Variants in NFIB observed in about 807,000 individuals in gnomAD.
NFIB encodes the protein nuclear factor 1 B-type.
In NFIB, 11 loss-of-function variants were observed where a neutral mutation model predicts 61.5. The ratio of observed to expected loss-of-function variants is 0.18; its 90% CI spans 0.11 to 0.30. The LOEUF (loss-of-function observed/expected upper bound fraction) is 0.30. Among genes scored for constraint, NFIB ranks in the 10% least tolerant of loss-of-function variants. The pLI is 1.00. For missense variants in NFIB, 471 were observed against 608.9 expected, an observed-to-expected ratio of 0.77 and a Z score of 2.38; for synonymous variants, 260 against 216.5, an observed-to-expected ratio of 1.20 and a Z score of -1.76.
At chr9:14,319,869 A>C (rs983967006) in intron 1 of NFIB, among the ~76,000 whole-genome samples, 4 of 152,270 alleles carry the variant, frequency 2.6e-5, no homozygotes, top group Admixed American at 2.0e-4. Flanking sequence ...TTTAATTTTC[A>C]AATTAAAATT....
chr9:14,307,410 C>T lies in NFIB; in HGVS notation c.141G>A (p.Lys47=), dbSNP rs545983563. ...CTCTTTCTTCATCCTTTGACATTCG[C>T]TTCTCATGCTTTTTAAAGTACTTGC... ...RKRKYFKKHE[K]RMSKDEERAV... Residue 47 remains lysine (K), a synonymous_variant, in exon 2 of 11, where the codon AAG becomes AAA. Transcript: ENST00000380953. This position sits in a 1 kb window ranked among gnomAD's most constrained non-coding sequence, Gnocchi z 5.3. The T allele has an allele frequency of 5.0e-6, 8 of 1,613,882 alleles. No individual in the cohort carries two copies. The Admixed American group carries it at 8.3e-5, about 17-fold the overall frequency.
At chr9:14,308,650 A>G (rs1397011163) in intron 1 of NFIB, among the ~76,000 whole-genome samples, 1 of 143,824 alleles carries the variant, frequency 7.0e-6, no homozygotes, top group Non-Finnish European at 1.6e-5. Flanking sequence ...TATACAATTC[A>G]TTTGCCATGT....
At chr9:14,427,948 T>TG in the NFIB span, among the ~76,000 whole-genome samples, 6,566 of 104,012 alleles carry the variant, frequency 0.063, 608 homozygotes, top group African/African-American at 0.16. Context: ...TTTTTTTTTT[T>TG]TTTTTTTTTT....
chr9:14,275,730 C>A (rs1001216770), intron 2 of NFIB, among the ~76,000 whole-genome samples: 9 of 152,094 alleles, frequency 5.9e-5, no homozygotes, highest in Non-Finnish European at 1.3e-4. Flanking sequence ...AGAGATGCTA[C>A]ATTCCTGTGG....
intron 10 of NFIB, among the ~76,000 whole-genome samples, chr9:14,093,128 C>G (rs1240078683): frequency 2.0e-5 from 3 of 151,974 alleles, no homozygotes; most frequent in Non-Finnish European, 4.4e-5. Flanking sequence ...AGAAACCAAA[C>G]AAAGTCAAAG....
chr9:14,517,617 G>A, the NFIB span, among the ~76,000 whole-genome samples: 1 of 150,702 alleles, frequency 6.6e-6, no homozygotes, highest in Non-Finnish European at 1.5e-5. Context: ...TGGTAGCGGT[G>A]GTCGTGGTGG....
intron 4 of NFIB, among the ~76,000 whole-genome samples, chr9:14,152,696 T>C (rs563048263): frequency 6.6e-6 from 1 of 152,300 alleles, no homozygotes; most frequent in South Asian, 2.1e-4. Flanking sequence ...ATGTAATTTG[T>C]AGTAAATGAT....
chr9:14,283,812 G>T (rs1030921943), intron 2 of NFIB, among the ~76,000 whole-genome samples: 2 of 152,194 alleles, frequency 1.3e-5, no homozygotes, highest in Non-Finnish European at 2.9e-5. Flanking sequence ...ACAAACAGAT[G>T]CACATCTAAG....
intron 2 of NFIB, among the ~76,000 whole-genome samples, chr9:14,226,713 T>C (rs1376128770): frequency 1.3e-5 from 2 of 152,108 alleles, no homozygotes. Context: ...ACCTTAGAAA[T>C]AAAGAACTGT....
chr9:14,337,517 T>C (rs2060898736), intron 1 of NFIB, among the ~76,000 whole-genome samples: 1 of 152,208 alleles, frequency 6.6e-6, no homozygotes, highest in South Asian at 2.1e-4. Flanking sequence ...TTGGGGTCAT[T>C]ATTGCATTGG....
At chr9:14,226,069 T>G (rs545874909) in intron 2 of NFIB, among the ~76,000 whole-genome samples, 3 of 151,806 alleles carry the variant, frequency 2.0e-5, no homozygotes, top group African/African-American at 7.3e-5. Context: ...TGGGAAGGTA[T>G]GTACTATACA....
chr9:14,169,066 A>G (rs1348089501), intron 3 of NFIB, among the ~76,000 whole-genome samples: 1 of 152,212 alleles, frequency 6.6e-6, no homozygotes, highest in African/African-American at 2.4e-5. Flanking sequence ...CTCTGCTTAG[A>G]AAGTACTTCA....
the NFIB span, among the ~76,000 whole-genome samples, chr9:14,485,856 C>G: frequency 6.1e-4 from 92 of 151,976 alleles, no homozygotes; most frequent in Non-Finnish European, 1.2e-3. Flanking sequence ...GCCTGGGTGA[C>G]AGAGTGAGAC....
At chr9:14,299,926 C>A (rs1563989300) in intron 2 of NFIB, among the ~76,000 whole-genome samples, 1 of 152,280 alleles carries the variant, frequency 6.6e-6, no homozygotes, top group East Asian at 1.9e-4. Context: ...TTAGCCATTT[C>A]TTCCAATTTT....
intron 2 of NFIB, among the ~76,000 whole-genome samples, chr9:14,278,655 T>G (rs1225395219): frequency 6.6e-6 from 1 of 152,164 alleles, no homozygotes; most frequent in Non-Finnish European, 1.5e-5. Flanking sequence ...AGAACCCTGT[T>G]AGGGTCATTA....
intron 6 of NFIB, among the ~76,000 whole-genome samples, chr9:14,128,493 T>A (rs113489710): frequency 0.027 from 4,109 of 151,276 alleles, 187 homozygotes; most frequent in African/African-American, 0.092. Context: ...AGGTGAGGAG[T>A]TCGAGACCAG....
At chr9:14,196,869 A>G (rs2048529037) in intron 2 of NFIB, among the ~76,000 whole-genome samples, 1 of 152,182 alleles carries the variant, frequency 6.6e-6, no homozygotes, top group Non-Finnish European at 1.5e-5. Context: ...TTGTTGTCAA[A>G]TCGTATGGAA....
chr9:14,505,236 T>C, the NFIB span, among the ~76,000 whole-genome samples: 1,491 of 152,342 alleles, frequency 9.8e-3, 28 homozygotes, highest in African/African-American at 0.034. Context: ...CTTTTTGACA[T>C]GCTGTTGGAT....
intron 10 of NFIB, among the ~76,000 whole-genome samples, chr9:14,089,619 T>C (rs566103708): frequency 6.6e-6 from 1 of 152,248 alleles, no homozygotes; most frequent in South Asian, 2.1e-4. Context: ...TCAGTACTCA[T>C]ATTAGTCATG....
Sources: allele counts gnomAD v4.1 joint callset (sites outside exome capture counted in the v4.1 genomes callset), GRCh38; gene constraint gnomAD v4.1.1; non-coding constraint Gnocchi (gnomAD v3.1); transcripts MANE v1.5; gene names NCBI Gene and HGNC (gene_info 2026-07-23, HGNC 2026-07-21).